The following SP110 variants were observed in gnomAD, a reference collection of about 807,000 sequenced individuals.
SP110 encodes interferon-induced protein 41, 30kD.
SP110 carries 62 observed loss-of-function variants against 92.7 expected under a neutral mutation model. The observed-to-expected ratio is 0.67, with a 90% CI of 0.55 to 0.83. The LOEUF (loss-of-function observed/expected upper bound fraction) is 0.83. Ranked by LOEUF, SP110 falls within the 40% of genes least tolerant of loss-of-function variation. The pLI, the probability that SP110 is intolerant of heterozygous loss-of-function variation, is 0.00. For missense variants in SP110, 793 were observed against 863.9 expected (o/e 0.92, Z 1.03); for synonymous variants, 273 against 305.3 (o/e 0.89, Z 1.10).
At chr2:230,225,245 C>T (rs1344702461) in intron 1 of SP110, among the ~76,000 whole-genome samples, 1 of 152,214 alleles carries the variant, frequency 6.6e-6, no homozygotes, top group Non-Finnish European at 1.5e-5. Flanking sequence ...AACCTCAGCA[C>T]TTGCCTTTGG....
chr2:230,199,565 T>C (rs1417100830), intron 10 of SP110, among the ~76,000 whole-genome samples: 3 of 152,080 alleles, frequency 2.0e-5, no homozygotes, highest in Non-Finnish European at 4.4e-5. Flanking sequence ...CAGGAACTTT[T>C]CTATGTTGAA....
At position 230,169,359 on chromosome 2, in the gene SP110, GGTGCA is replaced by G; in HGVS notation, c.2029-127_2029-123del. The G allele has an allele frequency of 4.2e-6, 3 of 711,272 alleles. No homozygotes were observed. In the South Asian group the frequency reaches 4.3e-5, roughly 10 times the overall value. The allele number at this position is 711,272 out of a possible 1,614,324, so 44.1% of individuals were successfully genotyped here. ...GGTCTTTCCCCGTCACCCAGGCTGTGGTGCAGTGGCACCGTCATGGCTCACTGCAG... is the reference window on the plus strand; with the variant it reads ...GGTCTTTCCCCGTCACCCAGGCTGTGGTGGCACCGTCATGGCTCACTGCAG... On this transcript the variant is annotated intron_variant, in intron 18 of 18. Coordinates refer to ENST00000258381, the MANE Select transcript of SP110 (RefSeq NM_080424.4).
chr2:230,173,835 T>C (rs1243904804), intron 14 of SP110: 2 of 152,208 alleles, frequency 1.3e-5, no homozygotes, highest in Non-Finnish European at 2.9e-5. Flanking sequence ...TTGACTAATG[T>C]GTTCTGTTCA....
chr2:230,170,583 A>G (rs2078411061), intron 18 of SP110, 38 bp downstream of exon 18: 1 of 1,613,256 alleles, frequency 6.2e-7, no homozygotes, highest in Non-Finnish European at 8.5e-7. Flanking sequence ...AGGGGAAAGT[A>G]GAAAAGACGC....
upstream of SP110, among the ~76,000 whole-genome samples, chr2:230,224,354 C>T (rs1300925604): frequency 1.3e-5 from 2 of 151,620 alleles, no homozygotes; most frequent in Non-Finnish European, 1.5e-5. Flanking sequence ...CTTGTTGGAG[C>T]CCCATGGAGA....
chr2:230,200,705 T>C (rs2043090910), intron 10 of SP110, 180 bp downstream of exon 10: 1 of 634,986 alleles, frequency 1.6e-6, no homozygotes. Context: ...AAAATGGACA[T>C]ATATTTGTAG....
chr2:230,212,206 A>G, intron 5 of SP110, 141 bp downstream of exon 5: 1 of 709,108 alleles, frequency 1.4e-6, no homozygotes, highest in Non-Finnish European at 2.5e-6. Flanking sequence ...GCGTTGGTGA[A>G]TTGGCCCCTT....
chr2:230,216,920 G>C lies in SP110; in HGVS notation c.8C>G (p.Thr3Ser). 6.2e-7 allele frequency: 1 copy of C among 1,613,542 alleles called. No homozygotes were observed. The highest frequency in any genetic ancestry group is 8.5e-7 in the Non-Finnish European group (1 of 1,179,898). MFTMTRAMEEALF... is the reference protein window; with the variant it reads MFSMTRAMEEALF... Reference sequence around the variant, plus strand: ...AGCCTCTTCCATGGCTCTTGTCATGGTGAACATCCTATGGAAAGAGGCATG... The same window carrying C: ...AGCCTCTTCCATGGCTCTTGTCATGCTGAACATCCTATGGAAAGAGGCATG... Residue 3 changes from threonine to serine, a missense_variant, in exon 2 of 19, where the codon ACC becomes AGC. Transcript: ENST00000258381.
At chr2:230,187,926 G>A (rs527481173) in intron 10 of SP110, among the ~76,000 whole-genome samples, 3 of 152,270 alleles carry the variant, frequency 2.0e-5, no homozygotes, top group African/African-American at 4.8e-5. Flanking sequence ...CTGGTAATGT[G>A]ATGCCTCCAG....
At chr2:230,202,813 A>G (rs2043313493) in intron 8 of SP110, 85 bp from the exon 9 acceptor site, 1 of 1,294,522 alleles carries the variant, frequency 7.7e-7, no homozygotes, top group Non-Finnish European at 1.1e-6. Context: ...TTCCCTTCTC[A>G]TGCCCCTAAC....
rs73100101 is a variant in SP110 at position 230,208,227 on chromosome 2, A to G, written c.830-168T>C. 8.1e-3 allele frequency among the ~76,000 whole-genome samples: 1,240 copies of G among 152,314 alleles called. 11 individuals carry two copies. Among genetic ancestry groups the G allele is most frequent in the African/African-American group, 0.028 (1,172 of 41,570 alleles). On this transcript the variant is annotated intron_variant, in intron 7 of 18. Transcript: ENST00000258381. ...GTAATAGGGGAAGAAGGACTCTAAA[A>G]TGACAGAGGAAAAGGAGAAACGAAG...
chr2:230,195,539 A>T (rs1208325335), intron 10 of SP110, among the ~76,000 whole-genome samples: 1 of 152,170 alleles, frequency 6.6e-6, no homozygotes, highest in African/African-American at 2.4e-5. Flanking sequence ...CATGTTGGCC[A>T]GGCTGGTCTT....
chr2:230,208,930 T>C (rs1277788505), intron 7 of SP110, among the ~76,000 whole-genome samples: 1 of 152,168 alleles, frequency 6.6e-6, no homozygotes, highest in Non-Finnish European at 1.5e-5. Flanking sequence ...GTGTCAATGT[T>C]AAAAAGCTGG....
In SP110 at chr2:230,186,017, C is replaced by T. The variant is rs200721134; in HGVS notation, c.1256G>A (p.Cys419Tyr). Residue 419 changes from cysteine (C) to tyrosine (Y), a missense_variant, in exon 11 of 19, where the codon TGT (cysteine) becomes TAT (tyrosine). Physicochemically the swap from Cys to Tyr is radical, Grantham distance 194. Coordinates refer to ENST00000258381, the MANE Select transcript of SP110 (RefSeq NM_080424.4). ...MMRVQKARTKCARKSRLKEKK... is the reference protein window; with the variant it reads ...MMRVQKARTKYARKSRLKEKK... The stretch of plus-strand genomic sequence containing the variant: ...ACCTTTCAATCTGGACTTTCGGGCA[C>T]ATTTAGTTCTTGCCTTTTGGACCCT... 1.4e-5 allele frequency: 23 copies of T among 1,614,016 alleles called. No individual in the cohort carries two copies. Among genetic ancestry groups the T allele is most frequent in the Non-Finnish European group, 1.9e-5 (23 of 1,179,996 alleles).
intron 3 of SP110, chr2:230,213,641 T>C (rs2148931199): frequency 6.5e-6 from 1 of 152,708 alleles, no homozygotes; most frequent in East Asian, 1.9e-4. Context: ...TTCTTCTCCA[T>C]CATTTATTTC....
chr2:230,218,464 C>T (rs41309076), intron 1 of SP110, among the ~76,000 whole-genome samples: 1,523 of 152,236 alleles, frequency 0.01, 12 homozygotes, highest in Middle Eastern at 0.037. Flanking sequence ...AATCTACTAT[C>T]CACAATATGC....
chr2:230,169,132 G>C lies in SP110; in HGVS notation c.2134C>G (p.Leu712Val). ...GTCTTTACAGAACAGGGTCAAGGAAGAGTCCAGAAACCGCCGTCATTGGCT... is the reference window on the plus strand; with the variant it reads ...GTCTTTACAGAACAGGGTCAAGGAACAGTCCAGAAACCGCCGTCATTGGCT... ...HEANDGGFWT[L>V]P The change falls in exon 19 of 19, where the codon CTT becomes GTT. Residue 712 changes from leucine to valine, a missense_variant. Coordinates refer to ENST00000258381, the MANE Select transcript of SP110 (RefSeq NM_080424.4). The C allele has an allele frequency of 6.2e-7, 1 of 1,605,506 alleles. No homozygotes were observed. Among genetic ancestry groups the C allele is most frequent in the Non-Finnish European group, 8.5e-7 (1 of 1,172,276 alleles).
intron 14 of SP110, 27 bp from the exon 15 acceptor site, chr2:230,172,986 G>A (rs764475133): frequency 1.2e-5 from 17 of 1,476,188 alleles, no homozygotes; most frequent in African/African-American, 2.8e-5. Context: ...CGTGGGCACC[G>A]CTAGGACCAT....
chr2:230,171,467 G>A, intron 17 of SP110: 1 of 574,114 alleles, frequency 1.7e-6, no homozygotes, highest in Non-Finnish European at 3.1e-6. Context: ...CACAGGAGGA[G>A]AAGCAACTTG....
Sources: gnomAD v4.1 joint callset for allele counts (sites outside exome capture counted in the v4.1 genomes callset) on GRCh38, gnomAD v4.1.1 for gene constraint, MANE v1.5 for transcripts, NCBI Gene and HGNC (gene_info 2026-07-23, HGNC 2026-07-21) for gene names.